Variants in OSBPL10 observed in about 807,000 individuals in gnomAD.
OSBPL10 encodes oxysterol-binding protein-related protein 10.
In OSBPL10, 49 loss-of-function variants were observed where a neutral mutation model predicts 81.7. The observed-to-expected ratio is 0.60, with a 90% CI of 0.48 to 0.76. The LOEUF (loss-of-function observed/expected upper bound fraction) is 0.76, where lower values mean the gene tolerates loss of function less well. OSBPL10 is among the 30% of genes least tolerant of loss of function. The probability of loss-of-function intolerance (pLI) is 0.00; values close to 1 mark genes in which losing one functional copy is unlikely to be tolerated. For missense variants in OSBPL10, 923 were observed against 987.8 expected (o/e 0.93, Z 0.88); for synonymous variants, 419 against 383.6 (o/e 1.09, Z -1.08).
At chr3:31,990,168 T>C (rs758997120) in intron 2 of OSBPL10, 3 of 1,611,572 alleles carry the variant, frequency 1.9e-6, no homozygotes, top group South Asian at 2.2e-5. Flanking sequence ...ACACTAGAAT[T>C]CACACTGGAG....
At chr3:31,806,244 T>C (rs1350014587) in intron 4 of OSBPL10, among the ~76,000 whole-genome samples, 1 of 152,018 alleles carries the variant, frequency 6.6e-6, no homozygotes, top group African/African-American at 2.4e-5. Context: ...CTGGCAGAAG[T>C]CCCAGCCCCA....
chr3:31,750,308 T>A (rs1476652888), intron 4 of OSBPL10, among the ~76,000 whole-genome samples: 1 of 152,216 alleles, frequency 6.6e-6, no homozygotes, highest in Non-Finnish European at 1.5e-5. Flanking sequence ...CTTATTATAT[T>A]CATTTATGCT....
At chr3:31,870,538 GC>G (rs1701294728) in intron 3 of OSBPL10, among the ~76,000 whole-genome samples, 1 of 152,272 alleles carries the variant, frequency 6.6e-6, no homozygotes, top group African/African-American at 2.4e-5. Flanking sequence ...TCCACCTGCA[GC>G]CCCGGTGCGG....
chr3:31,883,252 T>C (rs1329500213), intron 1 of OSBPL10, among the ~76,000 whole-genome samples: 1 of 152,110 alleles, frequency 6.6e-6, no homozygotes, highest in African/African-American at 2.4e-5. Context: ...TCTTTTTTTT[T>C]TTTTTGAGAT....
chr3:31,714,200 T>C (rs1408073893), intron 6 of OSBPL10: 2 of 152,332 alleles, frequency 1.3e-5, no homozygotes, highest in East Asian at 3.9e-4. Flanking sequence ...GTGACATGTT[T>C]GACATCCTTC....
intron 1 of OSBPL10, among the ~76,000 whole-genome samples, chr3:31,970,715 TA>T (rs1698536498): frequency 6.6e-6 from 1 of 152,238 alleles, no homozygotes; most frequent in African/African-American, 2.4e-5. Context: ...GACCCACAAA[TA>T]CACAGGGCCA....
intron 4 of OSBPL10, among the ~76,000 whole-genome samples, chr3:31,782,858 C>T (rs1367771005): frequency 6.6e-6 from 1 of 151,968 alleles, no homozygotes; most frequent in Non-Finnish European, 1.5e-5. Flanking sequence ...ACTAGCGTAA[C>T]CATTATGGAA....
At chr3:31,810,554 G>A (rs2125474793) in intron 4 of OSBPL10, among the ~76,000 whole-genome samples, 1 of 151,750 alleles carries the variant, frequency 6.6e-6, no homozygotes, top group East Asian at 1.9e-4. Context: ...AAATTATGAA[G>A]GTGAATTATC....
intron 8 of OSBPL10, among the ~76,000 whole-genome samples, chr3:31,675,716 C>T (rs943507038): frequency 4.6e-5 from 7 of 152,026 alleles, no homozygotes; most frequent in African/African-American, 9.7e-5. Context: ...GAGGCTGAGG[C>T]GGGTGGATCA....
At chr3:31,945,867 T>C (rs1432710026) in intron 1 of OSBPL10, among the ~76,000 whole-genome samples, 1 of 152,198 alleles carries the variant, frequency 6.6e-6, no homozygotes, top group African/African-American at 2.4e-5. Flanking sequence ...TGGCCAAACA[T>C]CTGCAGATCC....
chr3:31,779,193 A>G (rs1698623645), intron 4 of OSBPL10, among the ~76,000 whole-genome samples: 1 of 152,220 alleles, frequency 6.6e-6, no homozygotes, highest in African/African-American at 2.4e-5. Flanking sequence ...AACTAGCACG[A>G]TGAATAAAAC....
At chr3:31,666,549 C>T (rs1225420427) in intron 10 of OSBPL10, among the ~76,000 whole-genome samples, 3 of 152,136 alleles carry the variant, frequency 2.0e-5, no homozygotes, top group Non-Finnish European at 4.4e-5. Context: ...GAGACTGGAA[C>T]CAGCCACTCC....
At chr3:31,667,054 CAA>C (rs1417113463) in intron 10 of OSBPL10, among the ~76,000 whole-genome samples, 1 of 152,196 alleles carries the variant, frequency 6.6e-6, no homozygotes. Context: ...TAACAAGCAA[CAA>C]AGAGTCTTAA....
chr3:31,978,552 C>T (rs943233361), intron 1 of OSBPL10, among the ~76,000 whole-genome samples: 6 of 152,212 alleles, frequency 3.9e-5, no homozygotes, highest in African/African-American at 1.4e-4. Context: ...TCGTAATCTT[C>T]TCCAAACCAC....
intron 1 of OSBPL10, among the ~76,000 whole-genome samples, chr3:31,912,956 T>C (rs201091290): frequency 1.3e-5 from 2 of 152,216 alleles, no homozygotes; most frequent in East Asian, 3.9e-4. Flanking sequence ...AGTTGTATTG[T>C]TAAGTAAGGC....
intron 4 of OSBPL10, among the ~76,000 whole-genome samples, chr3:31,802,364 C>G (rs1417563815): frequency 6.6e-6 from 1 of 150,784 alleles, no homozygotes; most frequent in Non-Finnish European, 1.5e-5. Context: ...TCAAGACCAG[C>G]CTGGGCAACA....
chr3:31,699,048 T>C (rs1440374643), intron 7 of OSBPL10, among the ~76,000 whole-genome samples: 1 of 152,216 alleles, frequency 6.6e-6, no homozygotes, highest in Non-Finnish European at 1.5e-5. Flanking sequence ...AACAAATACA[T>C]GTTACATGAG....
At position 31,688,354 on chromosome 3, in the gene OSBPL10, T is replaced by G. The variant is rs77363376; in HGVS notation, c.1246-4240A>C. 7.5e-3 allele frequency among the ~76,000 whole-genome samples: 1,132 copies of G among 151,476 alleles called. 5 individuals are homozygous for G. The highest frequency in any genetic ancestry group is 0.011 in the Non-Finnish European group (750 of 67,858). ...TTTCTGCCCTTTCTCCTGCCCTGTCTCTATGACAAAAAGCTCATCAGCTCA... is the reference window on the plus strand; with the variant it reads ...TTTCTGCCCTTTCTCCTGCCCTGTCGCTATGACAAAAAGCTCATCAGCTCA... On this transcript the variant is annotated intron_variant, in intron 7 of 11. Transcript: ENST00000396556.
intron 5 of OSBPL10, among the ~76,000 whole-genome samples, 196 bp downstream of exon 5, chr3:31,747,714 T>C (rs1697569710): frequency 6.6e-6 from 1 of 152,156 alleles, no homozygotes; most frequent in Non-Finnish European, 1.5e-5. Context: ...ACATTTTTCA[T>C]GAAATGTTAC....
Sources: gnomAD v4.1 joint callset for allele counts (sites outside exome capture counted in the v4.1 genomes callset) on GRCh38, gnomAD v4.1.1 for gene constraint, MANE v1.5 for transcripts, NCBI Gene and HGNC (gene_info 2026-07-23, HGNC 2026-07-21) for gene names.